The following CCDC141 variants were observed in gnomAD, a reference collection of about 807,000 sequenced individuals.
CCDC141 encodes coiled-coil domain-containing protein 141.
A neutral mutation model predicts 181.0 loss-of-function variants in CCDC141; 168 were observed. The ratio of observed to expected loss-of-function variants is 0.93; its 90% CI spans 0.82 to 1.05. The LOEUF is 1.05. Among genes scored for constraint, CCDC141 ranks in the 50% least tolerant of loss-of-function variants. CCDC141 has a pLI of 0.00. For missense variants in CCDC141, 1,902 were observed against 1,788.5 expected (o/e 1.06, Z -1.14); for synonymous variants, 666 against 642.3 (o/e 1.04, Z -0.56).
At position 178,975,162 on chromosome 2, in the gene CCDC141, CAAACTACAATAGA is replaced by C; in HGVS notation, c.418-10_420del. 7.0e-7 allele frequency: 1 copy of C among 1,437,214 alleles called. No individual in the cohort carries two copies. Among genetic ancestry groups the C allele is most frequent in the Non-Finnish European group, 9.5e-7 (1 of 1,053,786 alleles). 89.0% of individuals were successfully genotyped at this position (1,437,214 alleles called of 1,614,324 possible). ...TCTTCAGCTTGGTCTATTTTAATAGCAAACTACAATAGAAATACAGAGGAAAGACATTTGACAT... is the reference window on the plus strand; with the variant it reads ...TCTTCAGCTTGGTCTATTTTAATAGCAATACAGAGGAAAGACATTTGACAT... On this transcript the variant is annotated splice_acceptor_variant and splice_polypyrimidine_tract_variant and coding_sequence_variant and intron_variant, in exon 4 of 24. Transcript: ENST00000443758. LOFTEE classifies it high-confidence loss of function.
At chr2:178,859,311 C>A (rs1685505534) in intron 17 of CCDC141, among the ~76,000 whole-genome samples, 1 of 152,152 alleles carries the variant, frequency 6.6e-6, no homozygotes, top group Non-Finnish European at 1.5e-5. Context: ...CTGCACTTTC[C>A]AATATGAAAA....
intron 7 of CCDC141, among the ~76,000 whole-genome samples, chr2:178,910,069 G>A (rs1379885098): frequency 6.6e-6 from 1 of 152,154 alleles, no homozygotes; most frequent in African/African-American, 2.4e-5. Context: ...GGAGTTGCTT[G>A]GTGTTTGTTC....
chr2:179,016,027 G>C (rs559332848), intron 2 of CCDC141, among the ~76,000 whole-genome samples: 5 of 150,596 alleles, frequency 3.3e-5, no homozygotes, highest in Admixed American at 2.0e-4. Flanking sequence ...AAAAAGGAAT[G>C]AATTAACAGC....
At chr2:179,037,595 G>T (rs571002515) in intron 2 of CCDC141, among the ~76,000 whole-genome samples, 18 of 152,294 alleles carry the variant, frequency 1.2e-4, no homozygotes, top group Admixed American at 3.3e-4. Flanking sequence ...TGTAAATCAT[G>T]TATCTGATAA....
chr2:178,930,946 T>C (rs1389509790), intron 6 of CCDC141, among the ~76,000 whole-genome samples: 1 of 152,154 alleles, frequency 6.6e-6, no homozygotes, highest in Non-Finnish European at 1.5e-5. Context: ...AAATTTAAGA[T>C]AGATAAATAA....
intron 17 of CCDC141, among the ~76,000 whole-genome samples, chr2:178,862,169 T>C (rs571801739): frequency 1.6e-3 from 249 of 152,342 alleles, no homozygotes; most frequent in African/African-American, 5.9e-3. Flanking sequence ...CATTAGAACA[T>C]GTGACCGATA....
At chr2:178,898,910 C>A (rs1687543189) in intron 8 of CCDC141, among the ~76,000 whole-genome samples, 1 of 152,114 alleles carries the variant, frequency 6.6e-6, no homozygotes, top group African/African-American at 2.4e-5. Context: ...TTTATCTTCC[C>A]TATTTCAAAT....
intron 7 of CCDC141, among the ~76,000 whole-genome samples, chr2:178,910,531 G>C (rs1006252973): frequency 3.9e-5 from 6 of 152,180 alleles, no homozygotes; most frequent in African/African-American, 1.2e-4. Context: ...CTTAGGTTCT[G>C]TTACAAAGAC....
chr2:178,824,686 T>C, the CCDC141 span, among the ~76,000 whole-genome samples: 1 of 149,596 alleles, frequency 6.7e-6, no homozygotes, highest in Non-Finnish European at 1.5e-5. Flanking sequence ...CCTTAGACTG[T>C]GCTCCTGACT....
chr2:178,937,246 T>C lies in CCDC141; in HGVS notation c.897+7289A>G, dbSNP rs2089098. Among the ~76,000 whole-genome samples the C allele has an allele frequency of 1.1e-3, 164 of 152,298 alleles. 5 individuals carry two copies. In the East Asian group the frequency reaches 0.016, roughly 15 times the overall value. ...GTGGGTTTGTCATAGATGGCTCTTA[T>C]TATTTGGAGGTATGTTCCTTCAGTA... On this transcript the variant is annotated intron_variant, in intron 6 of 23. Transcript: ENST00000443758.
In CCDC141 at chr2:178,926,194, A is replaced by G. The variant is rs1688902586; in HGVS notation, c.898-7287T>C. ...AATCTGAAGCATTTTATTTGCAATC[A>G]CGGACAAGGAAATGACACTTACAAT... On this transcript the variant is annotated intron_variant, in intron 6 of 23. Transcript: ENST00000443758. Among the ~76,000 whole-genome samples, 7 of 152,168 alleles carry G rather than the reference A, an allele frequency of 4.6e-5. No homozygotes were observed. In the East Asian group the frequency reaches 1.3e-3, roughly 29 times the overall value.
chr2:178,905,558 C>T (rs927768800), intron 7 of CCDC141, 57 bp from the exon 8 acceptor site: 52 of 1,438,300 alleles, frequency 3.6e-5, no homozygotes, highest in African/African-American at 7.2e-5. Flanking sequence ...TCTACATCAA[C>T]GTGTACACAA....
chr2:178,867,426 T>A (rs991324446), intron 16 of CCDC141, among the ~76,000 whole-genome samples: 1 of 152,242 alleles, frequency 6.6e-6, no homozygotes, highest in African/African-American at 2.4e-5. Context: ...TATCACCATT[T>A]TAACATGTAA....
chr2:179,047,961 C>G (rs1676320047), intron 1 of CCDC141, among the ~76,000 whole-genome samples: 1 of 152,128 alleles, frequency 6.6e-6, no homozygotes, highest in Admixed American at 6.6e-5. Flanking sequence ...ATGCTGTTTT[C>G]CAACCTTAGT....
chr2:178,828,225 C>T (rs1391480253), downstream of CCDC141, among the ~76,000 whole-genome samples: 1 of 152,114 alleles, frequency 6.6e-6, no homozygotes, highest in African/African-American at 2.4e-5. Context: ...TCCCTAAAAA[C>T]GTTTCCAGAA....
intron 2 of CCDC141, among the ~76,000 whole-genome samples, chr2:179,015,833 T>C: frequency 7.0e-6 from 1 of 142,870 alleles, no homozygotes; most frequent in South Asian, 2.2e-4. Context: ...ATATGTATCA[T>C]ATATATCTCA....
chr2:179,031,919 T>C (rs1483266835), intron 2 of CCDC141, among the ~76,000 whole-genome samples: 1 of 152,102 alleles, frequency 6.6e-6, no homozygotes, highest in East Asian at 1.9e-4. Flanking sequence ...AAAACATGTC[T>C]TATGAAACTG....
Position 179,004,266 on chromosome 2 carries a change from C to T in CCDC141, c.226-25591G>A, listed in dbSNP as rs1323139196. On this transcript the variant is annotated intron_variant, in intron 2 of 23. Transcript: ENST00000443758. ...TCTATGCATCCTTGGGTCATCCCTCCCTAAAATAAAATGAACATATGTGAG... is the reference window on the plus strand; with the variant it reads ...TCTATGCATCCTTGGGTCATCCCTCTCTAAAATAAAATGAACATATGTGAG... 2.0e-5 allele frequency among the ~76,000 whole-genome samples: 3 copies of T among 152,138 alleles called. No individual in the cohort carries two copies. In the East Asian group the frequency reaches 5.8e-4, roughly 29 times the overall value.
intron 17 of CCDC141, among the ~76,000 whole-genome samples, 160 bp from the exon 18 acceptor site, chr2:178,856,557 A>T (rs532038773): frequency 2.2e-3 from 268 of 120,994 alleles, no homozygotes; most frequent in Non-Finnish European, 3.3e-3. Context: ...TCTTTCTTTC[A>T]CTCTTTCTCT....
Sources: allele counts gnomAD v4.1 joint callset (sites outside exome capture counted in the v4.1 genomes callset), GRCh38; gene constraint gnomAD v4.1.1; transcripts MANE v1.5; gene names NCBI Gene and HGNC (gene_info 2026-07-23, HGNC 2026-07-21).